Variants in ADAMTS19 observed in about 807,000 individuals in gnomAD.
ADAMTS19 encodes A disintegrin and metalloproteinase with thrombospondin motifs 19.
In ADAMTS19, 93 loss-of-function variants were observed where a neutral mutation model predicts 153.3. The ratio of observed to expected loss-of-function variants is 0.61; its 90% CI spans 0.51 to 0.72. The LOEUF (loss-of-function observed/expected upper bound fraction) is 0.72. ADAMTS19 is among the 30% of genes least tolerant of loss of function. The pLI is 0.00. For synonymous variants in ADAMTS19, 600 were observed against 556.6 expected (o/e 1.08, Z -1.10); for missense variants, 1,482 against 1,552.1 (o/e 0.95, Z 0.76).
At chr5:129,502,711 G>A (rs1343504855) in intron 2 of ADAMTS19, among the ~76,000 whole-genome samples, 1 of 152,178 alleles carries the variant, frequency 6.6e-6, no homozygotes, top group Non-Finnish European at 1.5e-5. Context: ...AATCACAGGT[G>A]GAGTGAATAC....
chr5:129,605,929 A>G (rs1267168557), intron 8 of ADAMTS19, among the ~76,000 whole-genome samples: 1 of 152,090 alleles, frequency 6.6e-6, no homozygotes, highest in Non-Finnish European at 1.5e-5. Flanking sequence ...AAAAATGTCA[A>G]GCTTGTTTTG....
At chr5:129,595,737 T>C (rs1390552592) in intron 7 of ADAMTS19, among the ~76,000 whole-genome samples, 1 of 152,072 alleles carries the variant, frequency 6.6e-6, no homozygotes, top group African/African-American at 2.4e-5. Flanking sequence ...GAACATATAG[T>C]GGATCAAAAA....
chr5:129,681,797 T>A (rs1754827645), intron 17 of ADAMTS19, among the ~76,000 whole-genome samples: 1 of 152,132 alleles, frequency 6.6e-6, no homozygotes, highest in Non-Finnish European at 1.5e-5. Context: ...ATCCTATTAT[T>A]TAATTTCAGC....
Position 129,543,196 on chromosome 5 carries a change from T to A in ADAMTS19, c.1329-8668T>A, listed in dbSNP as rs1044323994. Among the ~76,000 whole-genome samples the A allele has an allele frequency of 2.0e-5, 3 of 151,918 alleles. No individual in the cohort carries two copies. The East Asian group carries it at 5.8e-4, about 29-fold the overall frequency. ...TCTTCAGTAGCTGGGATTACAGGGATGTGCCACCACACCTGGCTAATTTTT... is the reference window on the plus strand; with the variant it reads ...TCTTCAGTAGCTGGGATTACAGGGAAGTGCCACCACACCTGGCTAATTTTT... On this transcript the variant is annotated intron_variant, in intron 6 of 22. Coordinates refer to ENST00000274487, the MANE Select transcript of ADAMTS19 (RefSeq NM_133638.6).
rs959297761 is a variant in ADAMTS19 at position 129,679,940 on chromosome 5, A to G, written c.2664+19A>G. On this transcript the variant is annotated intron_variant, in intron 17 of 22. Coordinates refer to ENST00000274487, the MANE Select transcript of ADAMTS19 (RefSeq NM_133638.6). ...TCTTCTGGTATGAGGGAATGAATTG[A>G]TAACATGGCATAATCAACTTCTCAT... 1 of 1,599,866 alleles carries G rather than the reference A, an allele frequency of 6.3e-7. No homozygotes were observed. Among genetic ancestry groups the G allele is most frequent in the African/African-American group, 1.3e-5 (1 of 74,402 alleles).
chr5:129,625,396 C>A (rs1352695763), intron 10 of ADAMTS19, among the ~76,000 whole-genome samples: 1 of 150,600 alleles, frequency 6.6e-6, no homozygotes, highest in Admixed American at 6.6e-5. Context: ...GTTCTAGATC[C>A]TTGAGGAATC....
At chr5:129,731,229 A>G (rs1757431536) in intron 21 of ADAMTS19, among the ~76,000 whole-genome samples, 2 of 152,138 alleles carry the variant, frequency 1.3e-5, no homozygotes, top group Admixed American at 6.6e-5. Flanking sequence ...AAGTGCTGGA[A>G]TTACAGGTGT....
At chr5:129,579,127 C>T (rs9764901) in intron 7 of ADAMTS19, among the ~76,000 whole-genome samples, 3,622 of 152,218 alleles carry the variant, frequency 0.024, 118 homozygotes, top group African/African-American at 0.078. Flanking sequence ...TCTTAATGAT[C>T]GCCATTCTAA....
At chr5:129,470,581 T>C (rs1429535390) in intron 2 of ADAMTS19, among the ~76,000 whole-genome samples, 1 of 152,146 alleles carries the variant, frequency 6.6e-6, no homozygotes, top group Non-Finnish European at 1.5e-5. Flanking sequence ...AGTGAGAAAA[T>C]GGGAGCTTAG....
At chr5:129,707,181 G>A (rs1310613787) in intron 21 of ADAMTS19, among the ~76,000 whole-genome samples, 2 of 152,188 alleles carry the variant, frequency 1.3e-5, no homozygotes, top group African/African-American at 4.8e-5. Flanking sequence ...TGTGGGTTCT[G>A]CAGGACCCAC....
intron 20 of ADAMTS19, among the ~76,000 whole-genome samples, chr5:129,702,941 A>AAAAAAAATATATATATATATATATAT: frequency 1.4e-4 from 4 of 29,298 alleles, no homozygotes; most frequent in Non-Finnish European, 2.6e-4. Context: ...AAAAAAAAAA[A>AAAAAAAATATATATATATATATATAT]ATATATATAT....
chr5:129,612,136 A>G (rs1398037542), intron 8 of ADAMTS19, among the ~76,000 whole-genome samples: 1 of 97,190 alleles, frequency 1.0e-5, no homozygotes, highest in African/African-American at 4.0e-5. Flanking sequence ...CCCCCACCCC[A>G]TAACAGTCCC....
In ADAMTS19 at chr5:129,730,928, TTTTTGTTTTGTTTTGTTTTG is replaced by T. The variant is rs143197904; in HGVS notation, c.3313-3975_3313-3956del. On this transcript the variant is annotated intron_variant, in intron 21 of 22. Coordinates refer to ENST00000274487, the MANE Select transcript of ADAMTS19 (RefSeq NM_133638.6). ...CTGGATTTGAGATAGTGTTGTTGTT[TTTTTGTTTTGTTTTGTTTTG>T]TTTTGTTTTGTTTTGTTTTGTTTTG... 2.4e-4 allele frequency among the ~76,000 whole-genome samples: 35 copies of T among 147,438 alleles called. No individual in the cohort carries two copies. The South Asian group carries it at 3.3e-3, about 14-fold the overall frequency.
chr5:129,725,376 C>G (rs376772122), intron 21 of ADAMTS19, among the ~76,000 whole-genome samples: 6 of 152,136 alleles, frequency 3.9e-5, no homozygotes, highest in Admixed American at 1.3e-4. Flanking sequence ...CCGGCTCACA[C>G]TTGGGAGGGG....
chr5:129,613,376 GAAACTCACTCAA>G (rs1751331255), intron 8 of ADAMTS19, among the ~76,000 whole-genome samples: 1 of 152,122 alleles, frequency 6.6e-6, no homozygotes, highest in Admixed American at 6.6e-5. Context: ...TCAGGATTAA[GAAACTCACTCAA>G]AACCACTTAA....
intron 2 of ADAMTS19, among the ~76,000 whole-genome samples, chr5:129,502,771 A>T (rs866777061): frequency 3.9e-5 from 6 of 152,336 alleles, no homozygotes; most frequent in South Asian, 2.1e-4. Flanking sequence ...TCAAGAAGGA[A>T]GACTACATTT....
chr5:129,548,612 G>C (rs1257013630), intron 6 of ADAMTS19, among the ~76,000 whole-genome samples: 1 of 151,652 alleles, frequency 6.6e-6, no homozygotes, highest in African/African-American at 2.4e-5. Context: ...GTGGAAGTCA[G>C]TGTGGCGATT....
At chr5:129,462,833 A>T (rs1749728932) in intron 2 of ADAMTS19, among the ~76,000 whole-genome samples, 2 of 152,202 alleles carry the variant, frequency 1.3e-5, no homozygotes, top group South Asian at 4.1e-4. Context: ...TGCTGTTCAT[A>T]GTGAGCCACT....
At chr5:129,525,960 T>A (rs6876086) in intron 3 of ADAMTS19, among the ~76,000 whole-genome samples, 33,220 of 151,888 alleles carry the variant, frequency 0.22, 4,964 homozygotes, top group African/African-American at 0.42. Context: ...ATTTTGTTTA[T>A]ATTGGAGCTG....
Sources: allele counts gnomAD v4.1 joint callset (sites outside exome capture counted in the v4.1 genomes callset), GRCh38; gene constraint gnomAD v4.1.1; transcripts MANE v1.5; gene names NCBI Gene and HGNC (gene_info 2026-07-23, HGNC 2026-07-21).